ERC2: variants seen among roughly 807,000 people sequenced by gnomAD.
The protein encoded by ERC2 is ELKS/RAB6-interacting/CAST family member 2, also known as ERC protein 2.
Under a neutral mutation model 114.8 loss-of-function variants are expected in ERC2, and 42 were observed. The ratio of observed to expected loss-of-function variants is 0.37; its 90% CI spans 0.29 to 0.47. The LOEUF (loss-of-function observed/expected upper bound fraction) is 0.47. ERC2 is among the 20% of genes least tolerant of loss of function. The probability of loss-of-function intolerance (pLI) is 0.99; values close to 1 mark genes in which losing one functional copy is unlikely to be tolerated. For synonymous variants in ERC2, 454 were observed against 425.5 expected, an observed-to-expected ratio of 1.07 and a Z score of -0.82; for missense variants, 939 against 1,150.7, an observed-to-expected ratio of 0.82 and a Z score of 2.66.
chr3:55,812,671 C>T lies in ERC2; in HGVS notation c.2564+75718G>A, dbSNP rs140876165. Among the ~76,000 whole-genome samples, 368 of 152,300 alleles carry T rather than the reference C, an allele frequency of 2.4e-3. 2 individuals are homozygous for T. Among genetic ancestry groups the T allele is most frequent in the African/African-American group, 8.5e-3 (352 of 41,566 alleles). ...GCGGGGGAAGGGAGCATTCCAAGCA[C>T]AGAGAGTTTGACTATTTTATTAAAA... On this transcript the variant is annotated intron_variant, in intron 14 of 17. Coordinates refer to ENST00000288221, the MANE Select transcript of ERC2 (RefSeq NM_015576.3).
chr3:56,203,632 C>CTGATA (rs1417117048), intron 3 of ERC2, among the ~76,000 whole-genome samples: 4 of 152,054 alleles, frequency 2.6e-5, no homozygotes, highest in Non-Finnish European at 4.4e-5. Context: ...TTGAGTATCC[C>CTGATA]CTGAATCATC....
intron 3 of ERC2, among the ~76,000 whole-genome samples, chr3:56,286,216 C>T (rs371011436): frequency 6.6e-6 from 1 of 151,900 alleles, no homozygotes; most frequent in East Asian, 1.9e-4. Flanking sequence ...GAGTTTGAGA[C>T]CAGCCTGACC....
chr3:55,809,986 C>A (rs983608869), intron 14 of ERC2, among the ~76,000 whole-genome samples: 10 of 152,302 alleles, frequency 6.6e-5, no homozygotes, highest in African/African-American at 2.4e-4. Context: ...ATGTACTTCA[C>A]ATTAAATAAT....
intron 1 of ERC2, among the ~76,000 whole-genome samples, chr3:56,458,789 C>T (rs1039923468): frequency 1.3e-5 from 2 of 152,104 alleles, no homozygotes; most frequent in Non-Finnish European, 2.9e-5. Context: ...GAAGGAAAAA[C>T]ATACATCACC....
intron 10 of ERC2, among the ~76,000 whole-genome samples, chr3:56,000,312 T>G (rs776476569): frequency 6.6e-6 from 1 of 151,962 alleles, no homozygotes; most frequent in Non-Finnish European, 1.5e-5. Context: ...ATAAAGGTAG[T>G]GAGGAAAGCC....
chr3:56,178,788 C>T (rs759644054), intron 3 of ERC2, among the ~76,000 whole-genome samples: 6 of 150,878 alleles, frequency 4.0e-5, no homozygotes, highest in Admixed American at 6.6e-5. Context: ...GGAAAAGGCA[C>T]GATAATTTTA....
intron 6 of ERC2, among the ~76,000 whole-genome samples, chr3:56,122,967 C>T (rs1041043310): frequency 6.6e-6 from 1 of 152,136 alleles, no homozygotes; most frequent in African/African-American, 2.4e-5. Flanking sequence ...CAAGTTCAAC[C>T]ACCCCAAGAA....
chr3:56,004,306 C>T (rs1001089476), intron 10 of ERC2, among the ~76,000 whole-genome samples: 16 of 152,090 alleles, frequency 1.1e-4, no homozygotes, highest in South Asian at 6.2e-4. Flanking sequence ...TGGATGAATG[C>T]GCTTAATTAC....
intron 3 of ERC2, among the ~76,000 whole-genome samples, chr3:56,258,245 A>C (rs2052654651): frequency 1.4e-5 from 2 of 145,744 alleles, no homozygotes; most frequent in Non-Finnish European, 3.0e-5. Flanking sequence ...GGGCCAGATA[A>C]TAAATATTTT....
At chr3:55,985,321 A>G (rs1388369914) in intron 12 of ERC2, among the ~76,000 whole-genome samples, 1 of 152,218 alleles carries the variant, frequency 6.6e-6, no homozygotes, top group Non-Finnish European at 1.5e-5. Context: ...GTCAACAATG[A>G]ATCAGGTCTT....
chr3:55,703,250 GAC>G (rs1479341647), intron 15 of ERC2, among the ~76,000 whole-genome samples: 1 of 152,156 alleles, frequency 6.6e-6, no homozygotes, highest in Non-Finnish European at 1.5e-5. Flanking sequence ...CTGGGTCTTT[GAC>G]ATGCTTAGGC....
intron 16 of ERC2, among the ~76,000 whole-genome samples, chr3:55,698,730 T>C (rs2063067783): frequency 6.6e-6 from 1 of 152,224 alleles, no homozygotes; most frequent in African/African-American, 2.4e-5. Flanking sequence ...TTCCATAAAA[T>C]TCACCTTCAA....
At chr3:56,006,342 CCCCAT>C (rs2072488727) in intron 10 of ERC2, among the ~76,000 whole-genome samples, 1 of 152,010 alleles carries the variant, frequency 6.6e-6, no homozygotes, top group South Asian at 2.1e-4. Context: ...GCCAATAAAT[CCCCAT>C]CCCGGTGTGT....
chr3:56,061,430 T>C (rs199715158), intron 7 of ERC2, among the ~76,000 whole-genome samples: 3 of 152,228 alleles, frequency 2.0e-5, no homozygotes, highest in African/African-American at 4.8e-5. Flanking sequence ...GGGAGACTTA[T>C]CTAACCAAAC....
rs182221323 is a variant in ERC2 at position 56,155,086 on chromosome 3, C to T, written c.1150-5954G>A. The stretch of plus-strand genomic sequence containing the variant: ...GTAGTGCTCAATAAATGTTAGCGTC[C>T]CTCTTGTTTCCAGCTATCGCACATA... On this transcript the variant is annotated intron_variant, in intron 4 of 17. Transcript: ENST00000288221. Among the ~76,000 whole-genome samples, 999 of 152,110 alleles carry T rather than the reference C, an allele frequency of 6.6e-3. 11 individuals are homozygous for T. Among genetic ancestry groups the T allele is most frequent in the African/African-American group, 0.023 (948 of 41,502 alleles).
intron 7 of ERC2, among the ~76,000 whole-genome samples, chr3:56,031,003 G>C (rs185469077): frequency 4.0e-4 from 60 of 151,838 alleles, no homozygotes; most frequent in Admixed American, 3.9e-3. Flanking sequence ...GCTGGCCCCT[G>C]AGCAGTCAGA....
At chr3:56,108,044 G>A (rs1482505522) in intron 6 of ERC2, among the ~76,000 whole-genome samples, 1 of 152,114 alleles carries the variant, frequency 6.6e-6, no homozygotes, top group Admixed American at 6.6e-5. Flanking sequence ...AAAATACTTA[G>A]AGACAACACC....
At chr3:56,422,206 T>C (rs561371574) in intron 2 of ERC2, among the ~76,000 whole-genome samples, 69 of 152,310 alleles carry the variant, frequency 4.5e-4, no homozygotes, top group African/African-American at 1.6e-3. Flanking sequence ...GAATTCTAAA[T>C]GATTAATGAG....
intron 3 of ERC2, among the ~76,000 whole-genome samples, chr3:56,205,126 C>T (rs1013891006): frequency 4.6e-5 from 7 of 152,140 alleles, no homozygotes; most frequent in Admixed American, 4.6e-4. Context: ...AAAAAGCAGA[C>T]CCAGTCCTTA....
Sources: gnomAD v4.1 joint callset for allele counts (sites outside exome capture counted in the v4.1 genomes callset) on GRCh38, gnomAD v4.1.1 for gene constraint, MANE v1.5 for transcripts, NCBI Gene and HGNC (gene_info 2026-07-23, HGNC 2026-07-21) for gene names.